Variants in EXOC4 observed in about 807,000 individuals in gnomAD.
The protein encoded by EXOC4 is exocyst complex component 4, also known as SEC8-like 1.
EXOC4 carries 71 observed loss-of-function variants against 107.2 expected under a neutral mutation model. The observed-to-expected ratio is 0.66, with a 90% confidence interval of 0.55 to 0.81. The LOEUF is 0.81. Ranked by LOEUF, EXOC4 falls within the 30% of genes least tolerant of loss-of-function variation. EXOC4 has a pLI of 0.00. For missense variants in EXOC4, 1,108 were observed against 1,189.6 expected (o/e 0.93, Z 1.01); for synonymous variants, 456 against 441.2 (o/e 1.03, Z -0.42).
intron 10 of EXOC4, among the ~76,000 whole-genome samples, chr7:133,745,111 G>T (rs1272316471): frequency 6.6e-6 from 1 of 152,074 alleles, no homozygotes; most frequent in Non-Finnish European, 1.5e-5. Flanking sequence ...TCCCAGGAAA[G>T]GTTCTTTCTA....
chr7:133,849,484 G>A (rs1323078719), intron 11 of EXOC4, among the ~76,000 whole-genome samples: 3 of 152,106 alleles, frequency 2.0e-5, no homozygotes, highest in Non-Finnish European at 4.4e-5. Context: ...ACTGGGAAGT[G>A]AAACATTTTG....
chr7:133,880,108 C>T lies in EXOC4; in HGVS notation c.1735-15491C>T, dbSNP rs114085303. ...TGCCTCTCTAAGTATCCAAACCTCC[C>T]CGTCCTCCAGATCCCAGTTCAGGCT... On this transcript the variant is annotated intron_variant, in intron 11 of 17. Transcript: ENST00000253861. Among the ~76,000 whole-genome samples, 839 of 152,296 alleles carry T rather than the reference C, an allele frequency of 5.5e-3. 8 individuals are homozygous for T. The highest frequency in any genetic ancestry group is 0.019 in the African/African-American group (802 of 41,558).
At chr7:133,907,467 A>G (rs781576472) in intron 12 of EXOC4, among the ~76,000 whole-genome samples, 24 of 152,162 alleles carry the variant, frequency 1.6e-4, no homozygotes, top group Non-Finnish European at 2.8e-4. Flanking sequence ...TACTAGGTCC[A>G]CTGAGAGTTG....
intron 14 of EXOC4, among the ~76,000 whole-genome samples, chr7:133,981,288 A>G (rs763959110): frequency 2.0e-5 from 3 of 151,856 alleles, no homozygotes; most frequent in Admixed American, 1.3e-4. Flanking sequence ...GATTCTGCCT[A>G]TTTTCCTCTG....
chr7:133,273,054 T>A (rs906885830), intron 1 of EXOC4, among the ~76,000 whole-genome samples: 3 of 152,232 alleles, frequency 2.0e-5, no homozygotes, highest in Non-Finnish European at 4.4e-5. Context: ...CTGTGACTGC[T>A]GTTACAAGGG....
At chr7:133,554,670 C>G (rs938935771) in intron 9 of EXOC4, among the ~76,000 whole-genome samples, 2 of 152,156 alleles carry the variant, frequency 1.3e-5, no homozygotes, top group Non-Finnish European at 2.9e-5. Flanking sequence ...ATCTTGTAGC[C>G]TCCTGCACGT....
chr7:133,360,344 A>G (rs1288902888), intron 6 of EXOC4, among the ~76,000 whole-genome samples: 1 of 152,234 alleles, frequency 6.6e-6, no homozygotes, highest in Non-Finnish European at 1.5e-5. Context: ...GAATGTGGGA[A>G]AAGAGAATGG....
intron 9 of EXOC4, among the ~76,000 whole-genome samples, chr7:133,491,362 A>G (rs986187231): frequency 6.6e-6 from 1 of 152,206 alleles, no homozygotes; most frequent in Non-Finnish European, 1.5e-5. Context: ...TTTCAGCACC[A>G]GCTAACTCAT....
intron 13 of EXOC4, 119 bp downstream of exon 13, chr7:133,917,857 T>G: frequency 1.0e-6 from 1 of 959,582 alleles, no homozygotes; most frequent in Non-Finnish European, 1.5e-6. Flanking sequence ...TTACTTGAAC[T>G]TAGTAAAATA....
At chr7:133,902,475 T>G (rs1585235886) in intron 12 of EXOC4, among the ~76,000 whole-genome samples, 1 of 152,220 alleles carries the variant, frequency 6.6e-6, no homozygotes, top group African/African-American at 2.4e-5. Context: ...ACTAAGCAGA[T>G]TAAATATCTG....
chr7:133,982,872 A>G (rs1311747064), intron 14 of EXOC4, among the ~76,000 whole-genome samples: 1 of 152,236 alleles, frequency 6.6e-6, no homozygotes, highest in Non-Finnish European at 1.5e-5. Flanking sequence ...CTGGTTTCAG[A>G]AAACACATTA....
chr7:133,671,224 A>G (rs1420484533), intron 10 of EXOC4, among the ~76,000 whole-genome samples: 1 of 151,754 alleles, frequency 6.6e-6, no homozygotes, highest in African/African-American at 2.4e-5. Context: ...GAGCTATTGG[A>G]GAGTTTTGAC....
intron 10 of EXOC4, among the ~76,000 whole-genome samples, chr7:133,631,678 C>G (rs1802594295): frequency 6.6e-6 from 1 of 151,948 alleles, no homozygotes. Flanking sequence ...AAAACTATTT[C>G]TCTGTAGGTT....
intron 10 of EXOC4, among the ~76,000 whole-genome samples, chr7:133,687,859 C>T (rs1794339611): frequency 6.6e-6 from 1 of 151,698 alleles, no homozygotes; most frequent in African/African-American, 2.4e-5. Flanking sequence ...AATCAGTTAC[C>T]ATGAAATGTG....
At chr7:133,569,527 A>T (rs1251467901) in intron 9 of EXOC4, among the ~76,000 whole-genome samples, 2 of 152,208 alleles carry the variant, frequency 1.3e-5, no homozygotes, top group Non-Finnish European at 2.9e-5. Flanking sequence ...CCAAGTGTAG[A>T]TATGTAACTT....
intron 12 of EXOC4, among the ~76,000 whole-genome samples, chr7:133,899,614 GA>G (rs1196887189): frequency 6.6e-6 from 1 of 152,050 alleles, no homozygotes. Flanking sequence ...TCCTTAAACT[GA>G]ACATTCCCAG....
chr7:133,336,340 A>G lies in EXOC4; in HGVS notation c.763+18950A>G, dbSNP rs78319903. Among the ~76,000 whole-genome samples the G allele has an allele frequency of 5.9e-3, 897 of 152,202 alleles. 8 individuals are homozygous for G. The highest frequency in any genetic ancestry group is 0.042 in the East Asian group (216 of 5,182). ...AGGCCTTATGTTTAGGTCTTGATCCATTTTGGGTTACTTTTTGTGTATGGT... is the reference window on the plus strand; with the variant it reads ...AGGCCTTATGTTTAGGTCTTGATCCGTTTTGGGTTACTTTTTGTGTATGGT... On this transcript the variant is annotated intron_variant, in intron 5 of 17. Coordinates refer to ENST00000253861, the MANE Select transcript of EXOC4 (RefSeq NM_021807.4).
At chr7:133,931,258 T>C (rs185896463) in intron 13 of EXOC4, among the ~76,000 whole-genome samples, 4 of 152,074 alleles carry the variant, frequency 2.6e-5, no homozygotes, top group African/African-American at 9.7e-5. Context: ...AATTTAAGTG[T>C]TTAATGACAG....
At chr7:133,539,872 A>G (rs1379549992) in intron 9 of EXOC4, among the ~76,000 whole-genome samples, 1 of 152,086 alleles carries the variant, frequency 6.6e-6, no homozygotes, top group Non-Finnish European at 1.5e-5. Context: ...TTATCTTACT[A>G]AGGAAATGTC....
Sources: allele counts gnomAD v4.1 joint callset (sites outside exome capture counted in the v4.1 genomes callset), GRCh38; gene constraint gnomAD v4.1.1; transcripts MANE v1.5; gene names NCBI Gene and HGNC (gene_info 2026-07-23, HGNC 2026-07-21).